Variants in TCF12 observed in about 807,000 individuals in gnomAD.
TCF12 encodes DNA-binding protein HTF4.
TCF12 carries 45 observed loss-of-function variants against 86.0 expected under a neutral mutation model. The observed-to-expected ratio is 0.52, with a 90% CI of 0.41 to 0.67. TCF12 has a LOEUF of 0.67. Among genes scored for constraint, TCF12 ranks in the 30% least tolerant of loss-of-function variants. The pLI is 0.00. For missense variants in TCF12, 881 were observed against 859.9 expected, an observed-to-expected ratio of 1.02 and a Z score of -0.31; for synonymous variants, 330 against 299.6, an observed-to-expected ratio of 1.10 and a Z score of -1.05.
chr15:56,943,227 G>A (rs886903562), intron 3 of TCF12, among the ~76,000 whole-genome samples: 2 of 152,114 alleles, frequency 1.3e-5, no homozygotes, highest in Non-Finnish European at 2.9e-5. Flanking sequence ...ATCACTATGT[G>A]AAGGACATTA....
chr15:57,249,975 G>T (rs2060032401), intron 13 of TCF12, among the ~76,000 whole-genome samples: 1 of 151,896 alleles, frequency 6.6e-6, no homozygotes, highest in Non-Finnish European at 1.5e-5. Flanking sequence ...ACATATGGAT[G>T]AATTATTTTT....
intron 5 of TCF12, among the ~76,000 whole-genome samples, chr15:57,111,710 GC>G (rs1255219396): frequency 6.7e-6 from 1 of 149,470 alleles, no homozygotes; most frequent in Non-Finnish European, 1.5e-5. Context: ...TTCGGGCTCA[GC>G]CCCACCAAGT....
chr15:57,007,762 C>CTT (rs1459176107), intron 3 of TCF12, among the ~76,000 whole-genome samples: 1 of 27,258 alleles, frequency 3.7e-5, no homozygotes, highest in Non-Finnish European at 1.1e-4. Context: ...TTCCTTCTTT[C>CTT]TTTCTTTCTT....
At chr15:57,015,528 G>A (rs769918596) in intron 3 of TCF12, among the ~76,000 whole-genome samples, 39 of 152,160 alleles carry the variant, frequency 2.6e-4, no homozygotes, top group Non-Finnish European at 5.3e-4. Context: ...CCTTGCTGTT[G>A]TGTGGACAAA....
intron 3 of TCF12, 49 bp from the exon 4 acceptor site, chr15:57,063,701 C>T: frequency 6.5e-7 from 1 of 1,534,688 alleles, no homozygotes; most frequent in Admixed American, 1.7e-5. Context: ...CCAAAAAAAT[C>T]CACAAAAGTA....
chr15:57,025,987 T>A (rs2065803054), intron 3 of TCF12, among the ~76,000 whole-genome samples: 2 of 152,204 alleles, frequency 1.3e-5, no homozygotes, highest in Non-Finnish European at 2.9e-5. Flanking sequence ...AAACTGGGAA[T>A]GGGAAGACTG....
Position 57,248,129 on chromosome 15 carries a change from T to C in TCF12, c.1115-3221T>C, listed in dbSNP as rs1397724820. The C allele has an allele frequency of 1.0e-5, 7 of 702,184 alleles. No individual in the cohort carries two copies. In the East Asian group the frequency reaches 1.1e-4, roughly 11 times the overall value. The allele number at this position is 702,184 out of a possible 1,614,324, so 43.5% of individuals were successfully genotyped here. On this transcript the variant is annotated intron_variant, in intron 13 of 20. Transcript: ENST00000333725. ...TTTGAGAGTCTTTTAAAAATTATTT[T>C]AAGGATCCTTTTCCAGAAGCCTCTT...
At chr15:57,058,891 G>GT (rs1367565534) in intron 3 of TCF12, among the ~76,000 whole-genome samples, 3 of 152,076 alleles carry the variant, frequency 2.0e-5, no homozygotes, top group Admixed American at 6.6e-5. Flanking sequence ...CTTGGTGTTG[G>GT]TTTTTTAGGT....
intron 3 of TCF12, among the ~76,000 whole-genome samples, chr15:57,031,602 A>G (rs1357235164): frequency 6.6e-6 from 1 of 152,220 alleles, no homozygotes; most frequent in Admixed American, 6.5e-5. Context: ...TTTAATTATA[A>G]AATCTGGACA....
intron 18 of TCF12, among the ~76,000 whole-genome samples, chr15:57,263,743 T>A (rs1712898955): frequency 6.6e-6 from 1 of 152,246 alleles, no homozygotes; most frequent in Non-Finnish European, 1.5e-5. Context: ...TAGCCTGTTG[T>A]TCCTAGGCTG....
chr15:57,068,609 C>G (rs1256434100), intron 4 of TCF12, among the ~76,000 whole-genome samples: 1 of 152,098 alleles, frequency 6.6e-6, no homozygotes, highest in Admixed American at 6.5e-5. Flanking sequence ...ATGATGAGTG[C>G]TCTATACATG....
In TCF12 at chr15:57,024,119, G is replaced by C. The variant is rs549494449; in HGVS notation, c.149-39631G>C. The stretch of plus-strand genomic sequence containing the variant: ...GGTTGTGGACCCCTGCTTTAAAGAA[G>C]CAAGACAAATAACTGTGAACAATGT... On this transcript the variant is annotated intron_variant, in intron 3 of 20. Transcript: ENST00000333725. 7.9e-5 allele frequency among the ~76,000 whole-genome samples: 12 copies of C among 151,586 alleles called. No individual in the cohort carries two copies. In the South Asian group the frequency reaches 2.5e-3, roughly 32 times the overall value.
At chr15:57,020,294 A>C (rs2065399201) in intron 3 of TCF12, among the ~76,000 whole-genome samples, 1 of 152,176 alleles carries the variant, frequency 6.6e-6, no homozygotes, top group Admixed American at 6.5e-5. Flanking sequence ...AAGCAAATGT[A>C]CTGAGCTCAT....
At chr15:57,031,579 C>G (rs1288658361) in intron 3 of TCF12, among the ~76,000 whole-genome samples, 2 of 152,208 alleles carry the variant, frequency 1.3e-5, no homozygotes, top group East Asian at 3.8e-4. Flanking sequence ...AGCACTCTTT[C>G]TTTAGAATTG....
chr15:57,072,664 G>C (rs2733186), intron 4 of TCF12: 2 of 1,305,536 alleles, frequency 1.5e-6, no homozygotes, highest in South Asian at 2.5e-5. Flanking sequence ...TACAATACAC[G>C]AGATGAAGCA....
chr15:56,998,867 A>G (rs139296089), intron 3 of TCF12, among the ~76,000 whole-genome samples: 39 of 152,226 alleles, frequency 2.6e-4, no homozygotes, highest in Non-Finnish European at 5.1e-4. Context: ...ATTAGAAATC[A>G]GTAACAGAAA....
chr15:57,168,679 A>G (rs1050800959), intron 6 of TCF12, among the ~76,000 whole-genome samples: 2 of 152,134 alleles, frequency 1.3e-5, no homozygotes, highest in Admixed American at 1.3e-4. Flanking sequence ...TATAGTACTC[A>G]TTTTGAGAGT....
intron 13 of TCF12, chr15:57,247,091 A>T: frequency 1.7e-6 from 1 of 574,186 alleles, no homozygotes; most frequent in Non-Finnish European, 3.3e-6. Flanking sequence ...CGAACTCATT[A>T]TAGTTCCCAC....
In TCF12 at chr15:57,255,014, T is replaced by TC. The variant is rs1240478930; in HGVS notation, c.1467+1546_1467+1547insC. On this transcript the variant is annotated intron_variant, in intron 16 of 20. Transcript: ENST00000333725. ...CTTAATAATTTGTTGAAATACTATT[T>TC]ATCCTTATTTAGAAGCATGACTTAA... Among the ~76,000 whole-genome samples the TC allele has an allele frequency of 2.6e-5, 4 of 152,208 alleles. No individual in the cohort carries two copies. In the South Asian group the frequency reaches 8.3e-4, roughly 31 times the overall value.
Sources: gnomAD v4.1 joint callset for allele counts (sites outside exome capture counted in the v4.1 genomes callset) on GRCh38, gnomAD v4.1.1 for gene constraint, MANE v1.5 for transcripts, NCBI Gene and HGNC (gene_info 2026-07-23, HGNC 2026-07-21) for gene names.